The following SMARCC1 variants were observed in gnomAD, a reference collection of about 807,000 sequenced individuals.
The protein encoded by SMARCC1 is SWI/SNF related BAF chromatin remodeling complex subunit C1.
SMARCC1 carries 43 observed loss-of-function variants against 147.4 expected under a neutral mutation model. The ratio of observed to expected loss-of-function variants is 0.29; its 90% CI spans 0.23 to 0.38. The LOEUF (loss-of-function observed/expected upper bound fraction) is 0.38, where lower values mean the gene tolerates loss of function less well. Among genes scored for constraint, SMARCC1 ranks in the 10% least tolerant of loss-of-function variants. The pLI is 1.00. For synonymous variants in SMARCC1, 495 were observed against 484.4 expected, an observed-to-expected ratio of 1.02 and a Z score of -0.29; for missense variants, 1,119 against 1,381.1, an observed-to-expected ratio of 0.81 and a Z score of 3.01.
intron 10 of SMARCC1, among the ~76,000 whole-genome samples, chr3:47,704,744 C>T (rs2106791304): frequency 6.6e-6 from 1 of 151,826 alleles, no homozygotes; most frequent in East Asian, 1.9e-4. Flanking sequence ...AGACAAGACA[C>T]TATCTCTACA....
intron 24 of SMARCC1, among the ~76,000 whole-genome samples, chr3:47,634,296 A>G (rs1412081385): frequency 2.0e-5 from 3 of 152,146 alleles, no homozygotes; most frequent in African/African-American, 7.2e-5. Flanking sequence ...ACACCTCCCT[A>G]ACCTCCATTG....
At chr3:47,676,482 G>A (rs536658033) in intron 17 of SMARCC1, 147 bp downstream of exon 17, 183 of 629,458 alleles carry the variant, frequency 2.9e-4, no homozygotes, top group Non-Finnish European at 4.2e-4. Context: ...AATATTTACA[G>A]TACACCAAAA....
chr3:47,758,440 G>A (rs2034729863), intron 2 of SMARCC1, among the ~76,000 whole-genome samples: 1 of 150,948 alleles, frequency 6.6e-6, no homozygotes, highest in South Asian at 2.1e-4. Context: ...TAAGACAAGA[G>A]GATTGCTTAA....
intron 19 of SMARCC1, among the ~76,000 whole-genome samples, chr3:47,667,321 A>C (rs1199712615): frequency 3.7e-5 from 1 of 27,354 alleles, no homozygotes; most frequent in Non-Finnish European, 1.4e-4. Context: ...CCGTCTCAAA[A>C]AAAAAAAAAA....
intron 2 of SMARCC1, among the ~76,000 whole-genome samples, chr3:47,767,053 G>C (rs2034848448): frequency 6.6e-6 from 1 of 151,432 alleles, no homozygotes; most frequent in Non-Finnish European, 1.5e-5. Flanking sequence ...CGTGGTGGCG[G>C]GCACCTGTTG....
chr3:47,620,299 C>CA (rs1443188075), intron 25 of SMARCC1, among the ~76,000 whole-genome samples: 4 of 151,588 alleles, frequency 2.6e-5, no homozygotes, highest in South Asian at 4.2e-4. Context: ...CCTGTCTCTA[C>CA]AAAAAAACAA....
chr3:47,615,693 CTTTTTT>C (rs879344543), intron 25 of SMARCC1, among the ~76,000 whole-genome samples: 1 of 152,006 alleles, frequency 6.6e-6, no homozygotes, highest in Non-Finnish European at 1.5e-5. Flanking sequence ...CTTTTCTTTT[CTTTTTT>C]TAAGACAGAG....
At chr3:47,639,719 C>A (rs967433270) in intron 21 of SMARCC1, among the ~76,000 whole-genome samples, 1 of 143,720 alleles carries the variant, frequency 7.0e-6, no homozygotes, top group African/African-American at 2.8e-5. Flanking sequence ...ATCTCAAAAC[C>A]AACCAACCAA....
chr3:47,712,097 T>C (rs890337541), intron 8 of SMARCC1, among the ~76,000 whole-genome samples: 3 of 152,122 alleles, frequency 2.0e-5, no homozygotes, highest in Admixed American at 6.6e-5. Flanking sequence ...GTTAAGGTGG[T>C]GGCACATGCC....
intron 21 of SMARCC1, among the ~76,000 whole-genome samples, chr3:47,651,807 T>C (rs1406392428): frequency 1.3e-5 from 2 of 152,204 alleles, no homozygotes; most frequent in African/African-American, 2.4e-5. Flanking sequence ...ATATAAAATA[T>C]AAAGGGGAGA....
chr3:47,680,407 TAAA>T (rs751721601), intron 15 of SMARCC1, 27 bp downstream of exon 15: 2 of 1,528,380 alleles, frequency 1.3e-6, no homozygotes, highest in South Asian at 1.1e-5. Context: ...CACAGGCAAA[TAAA>T]CAAGTTTTCT....
intron 2 of SMARCC1, among the ~76,000 whole-genome samples, chr3:47,758,558 G>C (rs533010173): frequency 1.3e-5 from 2 of 152,100 alleles, no homozygotes; most frequent in African/African-American, 4.8e-5. Context: ...AGTTTTACCA[G>C]TACACAGCCA....
At chr3:47,626,636 A>G (rs1284613418) in intron 24 of SMARCC1, among the ~76,000 whole-genome samples, 1 of 152,180 alleles carries the variant, frequency 6.6e-6, no homozygotes, top group African/African-American at 2.4e-5. Context: ...GGTAATTCTT[A>G]GAAGGGACTT....
At chr3:47,710,887 G>T in intron 8 of SMARCC1, 79 bp from the exon 9 acceptor site, 1 of 1,203,366 alleles carries the variant, frequency 8.3e-7, no homozygotes, top group Non-Finnish European at 1.1e-6. Flanking sequence ...AAGGAAACAA[G>T]CTGATTTATT....
At chr3:47,592,787 T>TG (rs1451570149) in intron 26 of SMARCC1, among the ~76,000 whole-genome samples, 1 of 148,476 alleles carries the variant, frequency 6.7e-6, no homozygotes, top group African/African-American at 2.5e-5. Context: ...TTTGTAGAGA[T>TG]GGGGTCTCAC....
chr3:47,632,722 TAG>T (rs988038556), intron 24 of SMARCC1, among the ~76,000 whole-genome samples: 7 of 152,060 alleles, frequency 4.6e-5, no homozygotes, highest in African/African-American at 1.7e-4. Context: ...CGAAAAAGCT[TAG>T]ATAGAGATAA....
At chr3:47,702,456 A>T in intron 10 of SMARCC1, among the ~76,000 whole-genome samples, 1 of 152,204 alleles carries the variant, frequency 6.6e-6, no homozygotes, top group East Asian at 1.9e-4. Flanking sequence ...ATTGTTTAAC[A>T]ATTCACTAAG....
chr3:47,621,415 TC>T (rs2032729647), intron 25 of SMARCC1, among the ~76,000 whole-genome samples: 1 of 151,818 alleles, frequency 6.6e-6, no homozygotes, highest in Non-Finnish European at 1.5e-5. Context: ...TAGGTGCCCA[TC>T]AATAGTGGAC....
At chr3:47,636,854 T>C (rs2032977666) in intron 22 of SMARCC1, among the ~76,000 whole-genome samples, 1 of 150,462 alleles carries the variant, frequency 6.6e-6, no homozygotes, top group Non-Finnish European at 1.5e-5. Flanking sequence ...TAATTACTGA[T>C]TGATTTAAAG....
Sources: allele counts gnomAD v4.1 joint callset (sites outside exome capture counted in the v4.1 genomes callset), GRCh38; gene constraint gnomAD v4.1.1; transcripts MANE v1.5; gene names NCBI Gene and HGNC (gene_info 2026-07-23, HGNC 2026-07-21).